CAPN9: variants seen among roughly 807,000 people sequenced by gnomAD.
The protein encoded by CAPN9 is calpain-9.
A neutral mutation model predicts 92.8 loss-of-function variants in CAPN9; 81 were observed. The ratio of observed to expected loss-of-function variants is 0.87; its 90% CI spans 0.73 to 1.05. CAPN9 has a LOEUF of 1.05. Among genes scored for constraint, CAPN9 ranks in the 50% least tolerant of loss-of-function variants. The probability of loss-of-function intolerance (pLI) is 0.00; values close to 1 mark genes in which losing one functional copy is unlikely to be tolerated. For missense variants in CAPN9, 848 were observed against 866.2 expected (o/e 0.98, Z 0.26); for synonymous variants, 304 against 328.0 (o/e 0.93, Z 0.79).
intron 6 of CAPN9, 81 bp from the exon 7 acceptor site, chr1:230,771,933 C>T (rs1666409311): frequency 8.9e-7 from 1 of 1,120,306 alleles, no homozygotes; most frequent in Admixed American, 1.7e-5. Context: ...GGAGCTGGTC[C>T]ACCTGGAGCT....
chr1:230,789,855 A>G (rs1325293357), intron 13 of CAPN9, among the ~76,000 whole-genome samples: 1 of 152,164 alleles, frequency 6.6e-6, no homozygotes, highest in African/African-American at 2.4e-5. Flanking sequence ...CTGGGAAACC[A>G]CTGCCTTGCC....
intron 6 of CAPN9, among the ~76,000 whole-genome samples, chr1:230,771,071 G>T (rs981613502): frequency 6.6e-6 from 1 of 152,108 alleles, no homozygotes; most frequent in Non-Finnish European, 1.5e-5. Context: ...CGTATTCCAC[G>T]TAACAACAGA....
At chr1:230,751,692 CT>C (rs1664851010) in intron 1 of CAPN9, among the ~76,000 whole-genome samples, 1 of 150,822 alleles carries the variant, frequency 6.6e-6, no homozygotes, top group Non-Finnish European at 1.5e-5. Flanking sequence ...AGAAGGGTGG[CT>C]TTTCCCTTTG....
chr1:230,790,384 A>T, intron 14 of CAPN9, 195 bp downstream of exon 14: 1 of 870,480 alleles, frequency 1.1e-6, no homozygotes, highest in Non-Finnish European at 1.4e-6. Flanking sequence ...GAAAATTCTT[A>T]AAAATGCAGA....
At chr1:230,800,220 TAAG>T (rs1416084018) in intron 19 of CAPN9, among the ~76,000 whole-genome samples, 1 of 23,098 alleles carries the variant, frequency 4.3e-5, no homozygotes, top group African/African-American at 1.6e-4. Context: ...GAAAGAAAAA[TAAG>T]AAAGAAAGAA....
At chr1:230,800,270 GAA>G (rs1181544354) in intron 19 of CAPN9, among the ~76,000 whole-genome samples, 1 of 132,172 alleles carries the variant, frequency 7.6e-6, no homozygotes, top group Non-Finnish European at 1.6e-5. Context: ...AAGAAAGAAA[GAA>G]AGAAAGAAAG....
At chr1:230,760,006 G>A (rs1161286464) in intron 3 of CAPN9, among the ~76,000 whole-genome samples, 1 of 152,164 alleles carries the variant, frequency 6.6e-6, no homozygotes, top group Non-Finnish European at 1.5e-5. Context: ...TTCTCTTTAT[G>A]GAAGAATTGT....
At chr1:230,799,659 G>C (rs1428532060) in intron 19 of CAPN9, among the ~76,000 whole-genome samples, 4 of 152,122 alleles carry the variant, frequency 2.6e-5, no homozygotes, top group Non-Finnish European at 4.4e-5. Context: ...CAGCATGTAG[G>C]ACACATGTAA....
intron 1 of CAPN9, 122 bp from the exon 2 acceptor site, chr1:230,755,215 G>A: frequency 1.3e-6 from 1 of 755,262 alleles, no homozygotes; most frequent in Non-Finnish European, 2.2e-6. Context: ...CCTCCTCAGG[G>A]AAAAGAATCA....
chr1:230,780,216 G>C lies in CAPN9; in HGVS notation c.1152G>C (p.Leu384=). 1 of 1,613,936 alleles carries C rather than the reference G, an allele frequency of 6.2e-7. No homozygotes were observed. The highest frequency in any genetic ancestry group is 8.5e-7 in the Non-Finnish European group (1 of 1,179,928). ...CCAATCCACAAATAAAATTGTCTCT[G>C]ACTGAGAAAGATGAGGGGCAGGAGG... ...FWTNPQIKLS[L]TEKDEGQEEC... is the part of the protein sequence containing the mutation. Residue 384 remains leucine (L), a synonymous_variant, in exon 10 of 20, where the codon CTG becomes CTC. Transcript: ENST00000271971.
intron 1 of CAPN9, among the ~76,000 whole-genome samples, chr1:230,751,301 T>C (rs1664748320): frequency 6.6e-6 from 1 of 152,146 alleles, no homozygotes; most frequent in Admixed American, 6.5e-5. Flanking sequence ...GCTGGGCACA[T>C]GACAGGGATC....
chr1:230,783,194 T>C (rs1261692363), intron 11 of CAPN9, among the ~76,000 whole-genome samples: 1 of 152,228 alleles, frequency 6.6e-6, no homozygotes, highest in East Asian at 1.9e-4. Flanking sequence ...TATGCGTCTT[T>C]GGAGGTGCTG....
chr1:230,782,913 G>A (rs1447708888), intron 11 of CAPN9, among the ~76,000 whole-genome samples: 3 of 152,162 alleles, frequency 2.0e-5, no homozygotes, highest in Non-Finnish European at 4.4e-5. Flanking sequence ...CTAATTGGGA[G>A]GCTGAGGCAG....
chr1:230,754,863 A>C (rs1043266595), intron 1 of CAPN9, among the ~76,000 whole-genome samples: 6 of 152,164 alleles, frequency 3.9e-5, no homozygotes, highest in Non-Finnish European at 7.3e-5. Context: ...GGATTATATA[A>C]AGAAAGAAAT....
intron 1 of CAPN9, among the ~76,000 whole-genome samples, chr1:230,751,659 GAA>G (rs1303722753): frequency 2.6e-5 from 2 of 76,838 alleles, no homozygotes; most frequent in South Asian, 3.6e-4. Context: ...AAGAAAGAAA[GAA>G]AGAAAGAAAG....
At chr1:230,791,528 C>A (rs1357434568) in intron 14 of CAPN9, among the ~76,000 whole-genome samples, 2 of 152,156 alleles carry the variant, frequency 1.3e-5, no homozygotes, top group African/African-American at 4.8e-5. Flanking sequence ...AGGTATTGAC[C>A]ATGCCTCTCT....
At chr1:230,780,089 T>C (rs1167404638) in intron 9 of CAPN9, 90 bp from the exon 10 acceptor site, 91 of 284,418 alleles carry the variant, frequency 3.2e-4, no homozygotes, top group Non-Finnish European at 4.6e-4. Flanking sequence ...TGCGTGTGTG[T>C]GTGTGTGTGT....
At chr1:230,778,160 A>G (rs1666949931) in intron 8 of CAPN9, among the ~76,000 whole-genome samples, 1 of 151,878 alleles carries the variant, frequency 6.6e-6, no homozygotes, top group South Asian at 2.1e-4. Context: ...CCTTCCAGTC[A>G]CTCAAATCAA....
chr1:230,769,675 A>G (rs1572040468), intron 6 of CAPN9, among the ~76,000 whole-genome samples: 2 of 126,388 alleles, frequency 1.6e-5, no homozygotes, highest in Admixed American at 7.9e-5. Context: ...CTATCTATCT[A>G]TCTATCTACA....
Sources: allele counts gnomAD v4.1 joint callset (sites outside exome capture counted in the v4.1 genomes callset), GRCh38; gene constraint gnomAD v4.1.1; transcripts MANE v1.5; gene names NCBI Gene and HGNC (gene_info 2026-07-23, HGNC 2026-07-21).